Variants in SLTM observed in about 807,000 individuals in gnomAD.
The protein encoded by SLTM is SAFB like transcription modulator, also known as SAFB-like transcription modulator.
SLTM carries 43 observed loss-of-function variants against 134.6 expected under a neutral mutation model. The ratio of observed to expected loss-of-function variants is 0.32; its 90% CI spans 0.25 to 0.41. SLTM has a LOEUF of 0.41. SLTM is among the 10% of genes least tolerant of loss of function. The pLI is 1.00. For missense variants in SLTM, 1,055 were observed against 1,288.8 expected (o/e 0.82, Z 2.78); for synonymous variants, 424 against 432.3 (o/e 0.98, Z 0.24).
In SLTM at chr15:58,916,343, T is replaced by C. The variant is rs530367452; in HGVS notation, c.315+592A>G. ...CATGCGCCACCACACCTGGCTAATT[T>C]TTGTATTTTTAGTAGAGATGGGGTT... is the stretch of plus-strand genomic sequence containing the variant. On this transcript the variant is annotated intron_variant, in intron 3 of 20. Coordinates refer to ENST00000380516, the MANE Select transcript of SLTM (RefSeq NM_024755.4). 1.2e-3 allele frequency among the ~76,000 whole-genome samples: 179 copies of C among 152,192 alleles called. 1 individual carries two copies. The highest frequency in any genetic ancestry group is 4.1e-3 in the African/African-American group (171 of 41,498).
chr15:58,892,756 A>T, intron 14 of SLTM, 141 bp downstream of exon 14: 1 of 833,390 alleles, frequency 1.2e-6, no homozygotes, highest in Non-Finnish European at 1.9e-6. Context: ...CAAACTTAAG[A>T]AATCATTAGA....
intron 2 of SLTM, among the ~76,000 whole-genome samples, chr15:58,924,688 C>G (rs1436705393): frequency 6.6e-6 from 1 of 152,178 alleles, no homozygotes; most frequent in Non-Finnish European, 1.5e-5. Context: ...CTTTCTCCTC[C>G]AAAGGCAAAT....
intron 20 of SLTM, among the ~76,000 whole-genome samples, chr15:58,882,759 G>C (rs2033845576): frequency 6.6e-6 from 1 of 152,162 alleles, no homozygotes; most frequent in Non-Finnish European, 1.5e-5. Flanking sequence ...TCCTAAGAAA[G>C]AGGAATGGGA....
At position 58,899,654 on chromosome 15, in the gene SLTM, C is replaced by T; in HGVS notation, c.873G>A (p.Glu291=). Residue 291 remains glutamate (E), a synonymous_variant, in exon 7 of 21, where the codon GAG becomes GAA. Transcript: ENST00000380516. The surrounding 1 kb of genome is among the most constrained non-coding windows in gnomAD (Gnocchi z 5.0). Reference sequence around the variant, plus strand: ...TCATCTCATAATCCTTGCTTTCCTTCTCCGGGCTCTGTGCAATGGCGTCCT... The same window carrying T: ...TCATCTCATAATCCTTGCTTTCCTTTTCCGGGCTCTGTGCAATGGCGTCCT... The part of the protein sequence containing the change: ...DGQDAIAQSP[E]KESKDYEMNA... 1 of 1,614,196 alleles carries T rather than the reference C, an allele frequency of 6.2e-7. No individual in the cohort carries two copies. Among genetic ancestry groups the T allele is most frequent in the Non-Finnish European group, 8.5e-7 (1 of 1,180,026 alleles).
intron 5 of SLTM, among the ~76,000 whole-genome samples, chr15:58,910,575 T>C (rs1159926025): frequency 6.6e-6 from 1 of 152,204 alleles, no homozygotes; most frequent in African/African-American, 2.4e-5. Context: ...GATCCTTAGC[T>C]ATGATGCCTT....
chr15:58,880,102 G>A lies in SLTM; in HGVS notation c.3002C>T (p.Ala1001Val). The part of the protein sequence containing the change: ...AGMITQHSSN[A>V]SPINRIVQIS... ...TTGTACAATTCTATTAATTGGGGAT[G>A]CGTTACTGAAAAAGGTTTAAAAGAA... Residue 1001 changes from alanine to valine, a missense_variant, in exon 21 of 21, where the codon GCA becomes GTA. By Grantham distance (64) the Ala-to-Val change is moderately conservative (BLOSUM62 0). Transcript: ENST00000380516. 1.2e-6 allele frequency: 2 copies of A among 1,612,294 alleles called. No individual in the cohort carries two copies. The highest frequency in any genetic ancestry group is 1.7e-6 in the Non-Finnish European group (2 of 1,179,346).
At chr15:58,907,748 A>C (rs1309025073) in intron 5 of SLTM, among the ~76,000 whole-genome samples, 2 of 152,228 alleles carry the variant, frequency 1.3e-5, no homozygotes, top group African/African-American at 4.8e-5. Context: ...TACTAATTGC[A>C]CATATACTAC....
intron 19 of SLTM, among the ~76,000 whole-genome samples, chr15:58,884,905 G>T (rs1361581578): frequency 6.6e-6 from 1 of 152,102 alleles, no homozygotes; most frequent in Non-Finnish European, 1.5e-5. Context: ...AAAGTGCTAG[G>T]TTTACAGCCA....
chr15:58,880,013 GAGGTCC>G lies in SLTM; in HGVS notation c.3085_3090del (p.Gly1029_Pro1030del), dbSNP rs1375206145. ...AGAGCTCATTTTCAGAATCGTCGCG[GAGGTCC>G]ACCCTTAAATGGCTTAAATCCGGAG... On this transcript the variant is annotated inframe_deletion, in exon 21 of 21. Coordinates refer to ENST00000380516, the MANE Select transcript of SLTM (RefSeq NM_024755.4). 6.2e-7 allele frequency: 1 copy of G among 1,613,614 alleles called. No individual in the cohort carries two copies. Among genetic ancestry groups the G allele is most frequent in the African/African-American group, 1.3e-5 (1 of 74,886 alleles).
In SLTM at chr15:58,899,018, T is replaced by C. The variant is rs1595869224; in HGVS notation, c.1059-166A>G. The C allele has an allele frequency of 2.0e-5, 11 of 539,004 alleles. No individual in the cohort carries two copies. The East Asian group carries it at 3.3e-4, about 16-fold the overall frequency. The allele number at this position is 539,004 out of a possible 1,614,324, so 33.4% of individuals were successfully genotyped here. A position where few individuals can be genotyped will look rare whatever the true frequency, so the allele number is the denominator to read the frequency against. ...GAACAAATGACTCCCTGAGGATTCT[T>C]GCACTGATTTTCCCCAAGATGCCTG... On this transcript the variant is annotated intron_variant, in intron 7 of 20. Coordinates refer to ENST00000380516, the MANE Select transcript of SLTM (RefSeq NM_024755.4). The surrounding 1 kb of genome is among the most constrained non-coding windows in gnomAD (Gnocchi z 5.0).
intron 19 of SLTM, among the ~76,000 whole-genome samples, chr15:58,885,430 G>A (rs2034099582): frequency 6.6e-6 from 1 of 152,174 alleles, no homozygotes; most frequent in South Asian, 2.1e-4. Flanking sequence ...AATGCGGAGG[G>A]CTAGTCTTTG....
intron 5 of SLTM, 109 bp downstream of exon 5, chr15:58,912,454 A>G: frequency 2.0e-6 from 2 of 1,023,426 alleles, no homozygotes; most frequent in South Asian, 2.6e-5. Context: ...ACTCAGTATT[A>G]AATTTAAGAC....
chr15:58,903,055 C>T (rs2035602681), intron 5 of SLTM, among the ~76,000 whole-genome samples: 1 of 152,148 alleles, frequency 6.6e-6, no homozygotes, highest in Non-Finnish European at 1.5e-5. Flanking sequence ...GCGTGTGCCA[C>T]TACACCCAGT....
At chr15:58,931,048 G>C (rs1345212006) in intron 2 of SLTM, among the ~76,000 whole-genome samples, 1 of 152,068 alleles carries the variant, frequency 6.6e-6, no homozygotes, top group East Asian at 1.9e-4. Flanking sequence ...CAAAACTACT[G>C]CAAGACACAT....
At position 58,879,832 on chromosome 15, in the gene SLTM, A is replaced by AT. The variant is rs2140907752; in HGVS notation, c.*166dup. 1.2e-6 allele frequency: 1 copy of AT among 834,348 alleles called. No individual in the cohort carries two copies. Among genetic ancestry groups the AT allele is most frequent in the African/African-American group, 1.7e-5 (1 of 58,514 alleles). 51.7% of individuals were successfully genotyped at this position (834,348 alleles called of 1,614,324 possible). ...AACTATTAAAAGTTACAACAGAACT[A>AT]TTTAAACATCTTCTCCAAAATTGAG... On this transcript the variant is annotated 3_prime_UTR_variant, in exon 21 of 21. Transcript: ENST00000380516.
chr15:58,883,488 G>A (rs756479846), intron 20 of SLTM, 138 bp downstream of exon 20: 34 of 1,082,186 alleles, frequency 3.1e-5, no homozygotes, highest in South Asian at 1.2e-4. Context: ...TGGAGACTAC[G>A]GGTTGATACA....
chr15:58,915,703 T>TTGTGTCTGTGTGTGTG (rs1172342063), intron 3 of SLTM, among the ~76,000 whole-genome samples: 1 of 151,812 alleles, frequency 6.6e-6, no homozygotes, highest in Non-Finnish European at 1.5e-5. Flanking sequence ...GGGGGTGGGG[T>TTGTGTCTGTGTGTGTG]TGTGTCTGTG....
chr15:58,887,487 C>T lies in SLTM; in HGVS notation c.2429G>A (p.Arg810Gln), dbSNP rs747843308. ...TCTTTCGAAGCTTGGATCTTCCCTT[C>T]GTGCAGTAGGTCGTGCTTTTTTCCC... ...SEGKKARPTA[R>Q]REDPSFERYP... The change falls in exon 18 of 21, where the codon CGA (arginine) becomes CAA (glutamine). Residue 810 changes from arginine to glutamine, a missense_variant. Arg to Gln is a conservative substitution (Grantham distance 43, BLOSUM62 1). Around this residue, in one of 3 missense-constraint regions of SLTM, gnomAD observed 776 missense variants for 962.2 expected, o/e 0.81. Transcript: ENST00000380516. The T allele has an allele frequency of 8.1e-6, 13 of 1,613,904 alleles. No homozygotes were observed. Among genetic ancestry groups the T allele is most frequent in the South Asian group, 6.6e-5 (6 of 91,080 alleles).
chr15:58,894,463 C>T lies in SLTM; in HGVS notation c.1347G>A (p.Glu449=). ...CAACAGAAATCAGCTGTCCATGCAG[C>T]TCAGTGCGATGAAGATGTGCAATAC... ...SRCIAHLHRT[E]LHGQLISVEK... The change falls in exon 10 of 21, where the codon GAG becomes GAA. Residue 449 remains glutamate (E), a synonymous_variant. Coordinates refer to ENST00000380516, the MANE Select transcript of SLTM (RefSeq NM_024755.4). The T allele has an allele frequency of 6.2e-7, 1 of 1,614,152 alleles. No individual in the cohort carries two copies. Among genetic ancestry groups the T allele is most frequent in the Non-Finnish European group, 8.5e-7 (1 of 1,180,014 alleles).
Sources: allele counts gnomAD v4.1 joint callset (sites outside exome capture counted in the v4.1 genomes callset), GRCh38; gene constraint gnomAD v4.1.1; regional missense constraint gnomAD v4.1.1; non-coding constraint Gnocchi (gnomAD v3.1); transcripts MANE v1.5; gene names NCBI Gene and HGNC (gene_info 2026-07-23, HGNC 2026-07-21).